LRRN2: variants seen among roughly 807,000 people sequenced by gnomAD.
The protein encoded by LRRN2 is leucine-rich repeat neuronal protein 2.
Under a neutral mutation model 35.7 loss-of-function variants are expected in LRRN2, and 10 were observed. The observed-to-expected ratio is 0.28, with a 90% CI of 0.17 to 0.47. LRRN2 has a LOEUF of 0.47. Among genes scored for constraint, LRRN2 ranks in the 20% least tolerant of loss-of-function variants. The pLI is 0.99. For synonymous variants in LRRN2, 391 were observed against 409.6 expected (o/e 0.95, Z 0.55); for missense variants, 731 against 940.3 (o/e 0.78, Z 2.91).
At chr1:204,664,579 C>T (rs1404393395) in intron 1 of LRRN2, 3 of 152,146 alleles carry the variant, frequency 2.0e-5, no homozygotes. Flanking sequence ...CTTTGCTTAC[C>T]CTCTCTCCAC....
At chr1:204,629,018 C>G (rs60973998) in intron 1 of LRRN2, 1 of 152,480 alleles carries the variant, frequency 6.6e-6, no homozygotes, top group African/African-American at 2.4e-5. Flanking sequence ...TGAGCTTCTC[C>G]ACCTCTCTGC....
In LRRN2 at chr1:204,685,563, T is replaced by C; in HGVS notation, c.-470A>G. ...CCGTCCCCACCCCCTCTCCGCGCCC[T>C]GGGCGCGTCGCGGCCGGAGGCTGGC... On this transcript the variant is annotated 5_prime_UTR_variant, in exon 1 of 2. Coordinates refer to ENST00000367177, the MANE Select transcript of LRRN2 (RefSeq NM_201630.2). The C allele has an allele frequency of 6.6e-6, 1 of 151,418 alleles. No individual in the cohort carries two copies. Among genetic ancestry groups the C allele is most frequent in the East Asian group, 2.0e-4 (1 of 5,122 alleles). 9.4% of individuals were successfully genotyped at this position (151,418 alleles called of 1,614,324 possible). A position where few individuals can be genotyped will look rare whatever the true frequency, so the allele number is the denominator to read the frequency against.
In LRRN2 at chr1:204,617,728, G is replaced by T; in HGVS notation, c.*123C>A. 8.9e-7 allele frequency: 1 copy of T among 1,128,210 alleles called. No homozygotes were observed. The highest frequency in any genetic ancestry group is 1.3e-6 in the Non-Finnish European group (1 of 765,920). The allele number at this position is 1,128,210 out of a possible 1,614,324, so 69.9% of individuals were successfully genotyped here. ...ACAAAGCCCCATCTGTCTTGGCCCA[G>T]CTGCCAGGCCTCAAGCACGTGGGTC... On this transcript the variant is annotated 3_prime_UTR_variant, in exon 2 of 2. Transcript: ENST00000367177.
At chr1:204,662,239 C>A (rs1668487304) in intron 1 of LRRN2, among the ~76,000 whole-genome samples, 1 of 152,120 alleles carries the variant, frequency 6.6e-6, no homozygotes, top group South Asian at 2.1e-4. Flanking sequence ...AAAATGTGGG[C>A]AAATGATGAC....
intron 1 of LRRN2, among the ~76,000 whole-genome samples, chr1:204,648,719 G>A (rs1668161732): frequency 6.6e-6 from 1 of 152,156 alleles, no homozygotes; most frequent in Non-Finnish European, 1.5e-5. Context: ...ATGAGCTAGG[G>A]ATACAGAAAT....
At position 204,618,719 on chromosome 1, in the gene LRRN2, G is replaced by C; in HGVS notation, c.1274C>G (p.Ser425Cys). ...EMTDHCLPLI[S>C]PRSFPPSLQV... ...GAGGCTTGGGGGGAAGCTTCGTGGG[G>C]AGATGAGGGGCAAACAGTGGTCCGT... Residue 425 changes from serine to cysteine, a missense_variant, in exon 2 of 2, where the codon TCC (serine) becomes TGC (cysteine). Around this residue, in one of 3 missense-constraint regions of LRRN2, gnomAD observed 256 missense variants for 392.4 expected, o/e 0.65. Transcript: ENST00000367177. 1 of 1,603,870 alleles carries C rather than the reference G, an allele frequency of 6.2e-7. No individual in the cohort carries two copies. The highest frequency in any genetic ancestry group is 1.1e-5 in the South Asian group (1 of 89,488).
chr1:204,623,890 C>G (rs994738888), intron 1 of LRRN2, among the ~76,000 whole-genome samples: 13 of 152,076 alleles, frequency 8.5e-5, no homozygotes, highest in Non-Finnish European at 1.6e-4. Flanking sequence ...GCATTTAATC[C>G]CCCCAACAAC....
chr1:204,678,618 G>GCCACGCCAGCCT (rs1162681084), intron 1 of LRRN2, among the ~76,000 whole-genome samples: 1 of 151,936 alleles, frequency 6.6e-6, no homozygotes, highest in Non-Finnish European at 1.5e-5. Flanking sequence ...CCACACTCCA[G>GCCACGCCAGCCT]CCACGCCAGC....
intron 1 of LRRN2, among the ~76,000 whole-genome samples, chr1:204,624,007 T>C (rs1335768633): frequency 6.6e-6 from 1 of 152,206 alleles, no homozygotes; most frequent in Non-Finnish European, 1.5e-5. Context: ...TTCTATGCAG[T>C]GGGGTCAGGA....
intron 1 of LRRN2, among the ~76,000 whole-genome samples, chr1:204,683,325 G>A (rs573946764): frequency 7.9e-5 from 12 of 152,316 alleles, no homozygotes; most frequent in Non-Finnish European, 1.5e-4. Flanking sequence ...GGGCAAAGTG[G>A]AGACAGAGCC....
chr1:204,632,566 T>C (rs1667732606), intron 1 of LRRN2, among the ~76,000 whole-genome samples: 1 of 148,708 alleles, frequency 6.7e-6, no homozygotes, highest in South Asian at 2.1e-4. Flanking sequence ...GGGGTGGAGG[T>C]TGCAGTGAGC....
intron 1 of LRRN2, among the ~76,000 whole-genome samples, chr1:204,630,085 CATAAA>C (rs1308526176): frequency 6.6e-6 from 1 of 152,156 alleles, no homozygotes; most frequent in Non-Finnish European, 1.5e-5. Context: ...ACCCCCTATA[CATAAA>C]ATAAAAATTG....
chr1:204,647,807 G>T (rs537071854), intron 1 of LRRN2, among the ~76,000 whole-genome samples: 60 of 152,332 alleles, frequency 3.9e-4, no homozygotes, highest in African/African-American at 1.3e-3. Flanking sequence ...AATGTGGCCA[G>T]TCCAAATGGA....
At chr1:204,652,891 A>G (rs1397862061) in intron 1 of LRRN2, among the ~76,000 whole-genome samples, 3 of 152,142 alleles carry the variant, frequency 2.0e-5, no homozygotes, top group African/African-American at 4.8e-5. Context: ...CCATTCCCCT[A>G]CAGATGGAGG....
chr1:204,618,835 A>T lies in LRRN2; in HGVS notation c.1158T>A (p.Arg386=). ...TGGATTGCGGCTCGATGAAGCGGAC[A>T]CGGGTGCCCGTGGCATTGGCCCAGC... is the stretch of plus-strand genomic sequence containing the variant. ...VIRWANATGT[R]VRFIEPQSTL... The change falls in exon 2 of 2, where the codon CGT becomes CGA. Residue 386 remains arginine, a synonymous_variant. Transcript: ENST00000367177. 7 of 1,614,090 alleles carry T rather than the reference A, an allele frequency of 4.3e-6. No individual in the cohort carries two copies. Among genetic ancestry groups the T allele is most frequent in the Non-Finnish European group, 5.9e-6 (7 of 1,180,024 alleles).
At chr1:204,624,221 C>T (rs1667142194) in intron 1 of LRRN2, among the ~76,000 whole-genome samples, 1 of 152,178 alleles carries the variant, frequency 6.6e-6, no homozygotes, top group Non-Finnish European at 1.5e-5. Context: ...GAACAACCCC[C>T]CTGGGGGACA....
chr1:204,618,781 C>G lies in LRRN2; in HGVS notation c.1212G>C (p.Gln404His). 6.2e-7 allele frequency: 1 copy of G among 1,613,842 alleles called. No individual in the cohort carries two copies. Among genetic ancestry groups the G allele is most frequent in the Non-Finnish European group, 8.5e-7 (1 of 1,179,884 alleles). The change falls in exon 2 of 2, where the codon CAG (glutamine) becomes CAC (histidine). Residue 404 changes from glutamine (Q) to histidine (H), a missense_variant. This residue lies in a region of LRRN2 where 256 missense variants were observed against 392.4 expected (regional missense o/e 0.65). Coordinates refer to ENST00000367177, the MANE Select transcript of LRRN2 (RefSeq NM_201630.2). ...STLCAEPPDL[Q>H]RLPVREVPFR... ...AGGGCACCTCACGGACCGGGAGGCG[C>G]TGGAGGTCCGGAGGCTCCGCACACA... is the stretch of plus-strand genomic sequence containing the variant.
At chr1:204,650,833 T>A (rs1370860828) in intron 1 of LRRN2, among the ~76,000 whole-genome samples, 1 of 151,870 alleles carries the variant, frequency 6.6e-6, no homozygotes, top group Non-Finnish European at 1.5e-5. Flanking sequence ...AGATGGACAA[T>A]AAATGTGTAA....
In LRRN2 at chr1:204,620,028, G is replaced by A; in HGVS notation, c.-36C>T. On this transcript the variant is annotated 5_prime_UTR_variant, in exon 2 of 2. Coordinates refer to ENST00000367177, the MANE Select transcript of LRRN2 (RefSeq NM_201630.2). Reference sequence around the variant, plus strand: ...CAGGGCAGGGGACCATTCACAAGAAGAGTCTGGAGTCCTGCTCTTTGTGTT... The same window carrying A: ...CAGGGCAGGGGACCATTCACAAGAAAAGTCTGGAGTCCTGCTCTTTGTGTT... The A allele has an allele frequency of 6.3e-7, 1 of 1,575,938 alleles. No homozygotes were observed. The highest frequency in any genetic ancestry group is 8.6e-7 in the Non-Finnish European group (1 of 1,161,822).
Sources: gnomAD v4.1 joint callset for allele counts (sites outside exome capture counted in the v4.1 genomes callset) on GRCh38, gnomAD v4.1.1 for gene constraint, gnomAD v4.1.1 regional missense constraint, MANE v1.5 for transcripts, NCBI Gene and HGNC (gene_info 2026-07-23, HGNC 2026-07-21) for gene names.